CDC42BPB: variants seen among roughly 807,000 people sequenced by gnomAD.
CDC42BPB encodes the protein CDC42 binding protein kinase beta.
CDC42BPB carries 37 observed loss-of-function variants against 214.9 expected under a neutral mutation model. The observed-to-expected ratio is 0.17, with a 90% CI of 0.13 to 0.23. The LOEUF is 0.23. Among genes scored for constraint, CDC42BPB ranks in the 10% least tolerant of loss-of-function variants. CDC42BPB has a pLI of 1.00. For synonymous variants in CDC42BPB, 931 were observed against 884.0 expected, an observed-to-expected ratio of 1.05 and a Z score of -0.94; for missense variants, 1,694 against 2,227.0, an observed-to-expected ratio of 0.76 and a Z score of 4.82.
intron 30 of CDC42BPB, chr14:102,940,654 T>C (rs1261771293): frequency 2.5e-6 from 1 of 404,610 alleles, no homozygotes; most frequent in Non-Finnish European, 4.4e-6. Flanking sequence ...AAGCTACTAA[T>C]TCAGGCTCAA....
intron 1 of CDC42BPB, chr14:103,041,492 G>C: frequency 1.5e-6 from 2 of 1,353,738 alleles, no homozygotes; most frequent in South Asian, 2.5e-5. Flanking sequence ...AGAATGGCAT[G>C]GAAGCCCCAC....
In CDC42BPB at chr14:102,944,763, C is replaced by T. The variant is rs1318866983; in HGVS notation, c.3812-276G>A. The T allele has an allele frequency of 1.5e-6, 1 of 669,936 alleles. No individual in the cohort carries two copies. Among genetic ancestry groups the T allele is most frequent in the African/African-American group, 2.0e-5 (1 of 50,724 alleles). The allele number at this position is 669,936 out of a possible 1,614,324, so 41.5% of individuals were successfully genotyped here. On this transcript the variant is annotated intron_variant, in intron 29 of 36. Coordinates refer to ENST00000361246, the MANE Select transcript of CDC42BPB (RefSeq NM_006035.4). This position sits in a 1 kb window ranked among gnomAD's most constrained non-coding sequence, Gnocchi z 6.6. ...TCCTCTGCCTCTGCTGCTGTGCACA[C>T]CCCTCAGTGCACCAGGGCTCCAGCT...
Position 102,974,071 on chromosome 14 carries a change from C to G in CDC42BPB, c.1586G>C (p.Arg529Pro), listed in dbSNP as rs200053443. The change falls in exon 12 of 37, where the codon CGG (arginine) becomes CCG (proline). Residue 529 changes from arginine to proline, a missense_variant. Around this residue, in one of 7 missense-constraint regions of CDC42BPB, gnomAD observed 462 missense variants for 513.5 expected, o/e 0.90. Coordinates refer to ENST00000361246, the MANE Select transcript of CDC42BPB (RefSeq NM_006035.4). ...QEREDSTQRL[R>P]GLEKQHRVVR... ...CACGCGGTGCTGCTTCTCCAGCCCC[C>G]GCAGCCGCTGCGTGGAGTCCTCACG... 9 of 1,613,804 alleles carry G rather than the reference C, an allele frequency of 5.6e-6. No individual in the cohort carries two copies. In the Admixed American group the frequency reaches 1.5e-4, roughly 27 times the overall value.
chr14:103,041,787 G>C (rs1171030516), intron 1 of CDC42BPB: 22 of 465,196 alleles, frequency 4.7e-5, no homozygotes, highest in Non-Finnish European at 9.0e-5. Context: ...AGTCCACCGA[G>C]TCCCTGCAGG....
At chr14:102,999,839 T>A (rs1050391547) in intron 4 of CDC42BPB, 126 bp from the exon 5 acceptor site, 19 of 1,487,722 alleles carry the variant, frequency 1.3e-5, no homozygotes, top group African/African-American at 5.7e-5. Context: ...TCTCAGCTGC[T>A]CTTCTGTCAC....
At chr14:102,950,382 T>C in intron 25 of CDC42BPB, 84 bp downstream of exon 25, 1 of 1,542,732 alleles carries the variant, frequency 6.5e-7, no homozygotes, top group Non-Finnish European at 8.9e-7. Context: ...AGCAAGGGGC[T>C]GCTTTCAAGA....
chr14:103,014,915 T>C (rs971546246), intron 1 of CDC42BPB, among the ~76,000 whole-genome samples: 8 of 152,290 alleles, frequency 5.3e-5, no homozygotes, highest in Admixed American at 5.2e-4. Context: ...CAGGAAGCAG[T>C]TCGCACCAAG....
At chr14:102,970,086 G>T in intron 14 of CDC42BPB, 65 bp downstream of exon 14, 1 of 1,284,922 alleles carries the variant, frequency 7.8e-7, no homozygotes, top group Non-Finnish European at 1.1e-6. Context: ...TGACTTCCAT[G>T]TGGTGGCGTC....
intron 4 of CDC42BPB, 142 bp from the exon 5 acceptor site, chr14:102,999,855 AC>A: frequency 6.8e-7 from 1 of 1,461,070 alleles, no homozygotes; most frequent in Non-Finnish European, 9.0e-7. Context: ...GTCACCCAAG[AC>A]CCTCCTTCTG....
chr14:102,999,745 C>G, intron 4 of CDC42BPB, 32 bp from the exon 5 acceptor site: 3 of 1,613,478 alleles, frequency 1.9e-6, no homozygotes, highest in Non-Finnish European at 2.5e-6. Context: ...GGAGAGAATA[C>G]CACATTTAGT....
chr14:102,939,526 G>A, intron 34 of CDC42BPB, 84 bp downstream of exon 34: 2 of 982,306 alleles, frequency 2.0e-6, no homozygotes, highest in Non-Finnish European at 3.2e-6. Flanking sequence ...CACTGCCTTT[G>A]GGACAGTCTC....
intron 1 of CDC42BPB, among the ~76,000 whole-genome samples, chr14:103,029,803 G>A (rs1445150519): frequency 1.4e-5 from 2 of 139,976 alleles, no homozygotes; most frequent in Non-Finnish European, 3.0e-5. Flanking sequence ...AGGTTGCAGT[G>A]AGCCGAGATC....
Position 103,012,002 on chromosome 14 carries a change from C to T in CDC42BPB, c.267+95G>A, listed in dbSNP as rs540343428. The T allele has an allele frequency of 3.8e-6, 3 of 798,128 alleles. No homozygotes were observed. The South Asian group carries it at 4.2e-5, about 11-fold the overall frequency. The allele number at this position is 798,128 out of a possible 1,614,324, so 49.4% of individuals were successfully genotyped here. On this transcript the variant is annotated intron_variant, in intron 2 of 36. Transcript: ENST00000361246. Reference sequence around the variant, plus strand: ...CTCCAAATAATACTAATTACCTCATCCCCAAACCAATGTATAGGTGCACAA... The same window carrying T: ...CTCCAAATAATACTAATTACCTCATTCCCAAACCAATGTATAGGTGCACAA...
rs71119751 is a variant in CDC42BPB, at chr14:103,048,532, C to CAAAAAAAAAA, written c.175+8457_175+8466dup. ...TGAAACCCTGTTTCTACTAAAAATA[C>CAAAAAAAAAA]AAAAAAAAAAAAAAAAAAAAAAAAA... is the stretch of plus-strand genomic sequence containing the variant. On this transcript the variant is annotated intron_variant, in intron 1 of 36. Coordinates refer to ENST00000361246, the MANE Select transcript of CDC42BPB (RefSeq NM_006035.4). 2.0e-3 allele frequency among the ~76,000 whole-genome samples: 84 copies of CAAAAAAAAAA among 42,628 alleles called. 1 individual carries two copies. Among genetic ancestry groups the CAAAAAAAAAA allele is most frequent in the South Asian group, 3.0e-3 (2 of 670 alleles). 28.0% of individuals were successfully genotyped at this position (42,628 alleles called of 152,430 possible). A position where few individuals can be genotyped will look rare whatever the true frequency, so the allele number is the denominator to read the frequency against.
Position 103,041,940 on chromosome 14 carries a change from C to T in CDC42BPB, c.175+15059G>A, listed in dbSNP as rs79173829. 144 of 372,648 alleles carry T rather than the reference C, an allele frequency of 3.9e-4. 1 individual carries two copies. Among genetic ancestry groups the T allele is most frequent in the Non-Finnish European group, 6.8e-4 (129 of 188,360 alleles). 23.1% of individuals were successfully genotyped at this position (372,648 alleles called of 1,614,324 possible). On this transcript the variant is annotated intron_variant, in intron 1 of 36. Transcript: ENST00000361246. ...CAGGACCGGTCATGCCCATCCCAAA[C>T]GTCTGTAAGAAGGAGAAAGCCCAAG...
chr14:102,966,194 C>A, intron 18 of CDC42BPB, 88 bp downstream of exon 18: 1 of 1,009,876 alleles, frequency 9.9e-7, no homozygotes, highest in Non-Finnish European at 1.5e-6. Flanking sequence ...ACTGTAATTC[C>A]CTAAATAGTA....
chr14:103,042,743 CAAT>C (rs1368034963), intron 1 of CDC42BPB, among the ~76,000 whole-genome samples: 3 of 152,156 alleles, frequency 2.0e-5, no homozygotes, highest in African/African-American at 7.2e-5. Flanking sequence ...ATCAAAACCA[CAAT>C]GAGAAACGAC....
rs1470151791 is a variant in CDC42BPB at position 102,975,674 on chromosome 14, A to G, written c.1507+10T>C. 6.2e-7 allele frequency: 1 copy of G among 1,613,286 alleles called. No homozygotes were observed. On this transcript the variant is annotated intron_variant, in intron 11 of 36. Transcript: ENST00000361246. ...ATAGAGACTAAGAAGTCACACTTTT[A>G]AACACATACCTGCTATTTTATTCTT... is the stretch of plus-strand genomic sequence containing the variant.
chr14:102,933,980 C>A, intron 36 of CDC42BPB, 137 bp from the exon 37 acceptor site: 2 of 1,382,864 alleles, frequency 1.4e-6, no homozygotes, highest in Non-Finnish European at 1.9e-6. Context: ...AAAACACACA[C>A]GCTCTACACC....
Sources: gnomAD v4.1 joint callset for allele counts (sites outside exome capture counted in the v4.1 genomes callset) on GRCh38, gnomAD v4.1.1 for gene constraint, gnomAD v4.1.1 regional missense constraint, Gnocchi (gnomAD v3.1) non-coding constraint, MANE v1.5 for transcripts, NCBI Gene and HGNC (gene_info 2026-07-23, HGNC 2026-07-21) for gene names.